KIF1A: variants seen among roughly 807,000 people sequenced by gnomAD.
KIF1A encodes kinesin family member 1A.
KIF1A carries 46 observed loss-of-function variants against 227.3 expected under a neutral mutation model. The ratio of observed to expected loss-of-function variants is 0.20; its 90% CI spans 0.16 to 0.26. The LOEUF (loss-of-function observed/expected upper bound fraction) is 0.26. Ranked by LOEUF, KIF1A falls within the 10% of genes least tolerant of loss-of-function variation. The pLI, the probability that KIF1A is intolerant of heterozygous loss-of-function variation, is 1.00. For missense variants in KIF1A, 1,683 were observed against 2,485.9 expected (o/e 0.68, Z 6.87); for synonymous variants, 1,022 against 1,012.8 (o/e 1.01, Z -0.17).
rs562109203 is a variant in KIF1A at position 240,717,255 on chromosome 2, C to T, written c.*109G>A. ...ATGGGCGTCCCCTGGGGGGTCGACC[C>T]GGTCGTGGGCTGTCTGGCAGGAGAG... is the stretch of plus-strand genomic sequence containing the variant. On this transcript the variant is annotated 3_prime_UTR_variant, in exon 49 of 49. Transcript: ENST00000498729. 47 of 1,107,882 alleles carry T rather than the reference C, an allele frequency of 4.2e-5. No individual in the cohort carries two copies. In the African/African-American group the frequency reaches 4.6e-4, roughly 11 times the overall value. 68.6% of individuals were successfully genotyped at this position (1,107,882 alleles called of 1,614,324 possible).
Position 240,792,229 on chromosome 2 carries a change from A to G in KIF1A, c.107-2917T>C, listed in dbSNP as rs1351280122. ...CCCCTCCTTCAGCAGCCTGCTTCTC[A>G]CAGAGACCTCCCCGATTCTGCTGGA... On this transcript the variant is annotated intron_variant, in intron 2 of 48. Transcript: ENST00000498729. This position sits in a 1 kb window ranked among gnomAD's most constrained non-coding sequence, Gnocchi z 4.5. Among the ~76,000 whole-genome samples the G allele has an allele frequency of 6.6e-6, 1 of 152,150 alleles. No individual in the cohort carries two copies. Among genetic ancestry groups the G allele is most frequent in the Admixed American group, 6.5e-5 (1 of 15,282 alleles).
rs181712083 is a variant in KIF1A at position 240,800,896 on chromosome 2, C to T, written c.-60-3084G>A. ...GAGCAGGGCAGAGCCATAGCTCGGACGAACCTTATGAAAACTACAACCTGC... is the reference window on the plus strand; with the variant it reads ...GAGCAGGGCAGAGCCATAGCTCGGATGAACCTTATGAAAACTACAACCTGC... On this transcript the variant is annotated intron_variant, in intron 1 of 48. Coordinates refer to ENST00000498729, the MANE Select transcript of KIF1A (RefSeq NM_001244008.2). 1.5e-3 allele frequency among the ~76,000 whole-genome samples: 230 copies of T among 152,344 alleles called. 1 individual carries two copies. Among genetic ancestry groups the T allele is most frequent in the African/African-American group, 5.2e-3 (216 of 41,576 alleles).
intron 48 of KIF1A, 23 bp from the exon 49 acceptor site, chr2:240,717,429 G>T (rs369622428): frequency 1.2e-6 from 2 of 1,607,832 alleles, no homozygotes; most frequent in Non-Finnish European, 8.5e-7. Context: ...TGGGAGAGGC[G>T]GCGTGGTCAG....
chr2:240,798,115 C>T, intron 1 of KIF1A: 1 of 212,824 alleles, frequency 4.7e-6, no homozygotes, highest in South Asian at 9.2e-5. Flanking sequence ...GCAAACCCCC[C>T]AGGAAGGGTC....
At chr2:240,781,533 C>A (rs1456205380) in intron 10 of KIF1A, among the ~76,000 whole-genome samples, 2 of 151,736 alleles carry the variant, frequency 1.3e-5, no homozygotes, top group Non-Finnish European at 2.9e-5. Context: ...CCTCACAGTC[C>A]CGCACAATCT....
intron 1 of KIF1A, among the ~76,000 whole-genome samples, chr2:240,818,467 G>T (rs1466356758): frequency 6.6e-6 from 1 of 152,172 alleles, no homozygotes; most frequent in Admixed American, 6.5e-5. Context: ...TGTGTTCAGT[G>T]CAAGGGCAGA....
chr2:240,780,798 CCA>C (rs534367981), intron 10 of KIF1A, among the ~76,000 whole-genome samples: 1,996 of 34,552 alleles, frequency 0.058, 363 homozygotes, highest in African/African-American at 0.26. Flanking sequence ...ACACACAGCT[CCA>C]CACACACACA....
rs563350862 is a variant in KIF1A, at chr2:240,717,338, G to A, written c.*26C>T. ...ATGAGGGAGGGGATGGGCTGGGCCT[G>A]CCGGCTGTCACGGGAGGGCTCAGGT... is the stretch of plus-strand genomic sequence containing the variant. On this transcript the variant is annotated 3_prime_UTR_variant, in exon 49 of 49. Transcript: ENST00000498729. 1.2e-6 allele frequency: 2 copies of A among 1,605,646 alleles called. No individual in the cohort carries two copies. The highest frequency in any genetic ancestry group is 2.2e-5 in the South Asian group (2 of 90,932).
At chr2:240,785,192 G>A (rs750003453) in intron 6 of KIF1A, 92 bp from the exon 7 acceptor site, 2 of 1,048,008 alleles carry the variant, frequency 1.9e-6, no homozygotes, top group Non-Finnish European at 1.4e-6. Context: ...CAGGTCATCG[G>A]GGGGGGCAGT....
intron 27 of KIF1A, among the ~76,000 whole-genome samples, chr2:240,756,968 T>C (rs562197049): frequency 3.8e-4 from 58 of 152,330 alleles, no homozygotes; most frequent in African/African-American, 1.2e-3. Context: ...AACTCGGCCA[T>C]TGGGTGCCTG....
chr2:240,743,708 C>A (rs1391521216), intron 33 of KIF1A, among the ~76,000 whole-genome samples: 5 of 152,196 alleles, frequency 3.3e-5, no homozygotes, highest in Admixed American at 6.5e-5. Context: ...GGAGGTCAAG[C>A]AATGCTCACA....
chr2:240,758,454 C>G lies in KIF1A; in HGVS notation c.2488G>C (p.Glu830Gln). 4.3e-6 allele frequency: 7 copies of G among 1,610,324 alleles called. No homozygotes were observed. The highest frequency in any genetic ancestry group is 5.9e-6 in the Non-Finnish European group (7 of 1,178,114). ...TCCTCGATGACACTGGAGGGCACCT[C>G]TGCAGCGCGGTCGTACATCTCCCGC... ...LMREMYDRAA[E>Q]VPSSVIEDCD... is the part of the protein sequence containing the mutation. The change falls in exon 26 of 49, where the codon GAG (glutamate) becomes CAG (glutamine). Residue 830 changes from glutamate (E) to glutamine (Q), a missense_variant. This residue lies in a region of KIF1A where 759 missense variants were observed against 1,020.2 expected (regional missense o/e 0.74). Coordinates refer to ENST00000498729, the MANE Select transcript of KIF1A (RefSeq NM_001244008.2). This position sits in a 1 kb window ranked among gnomAD's most constrained non-coding sequence, Gnocchi z 5.2.
intron 5 of KIF1A, among the ~76,000 whole-genome samples, chr2:240,786,885 GAGGC>G: frequency 8.7e-6 from 1 of 114,744 alleles, no homozygotes; most frequent in Admixed American, 9.0e-5. Flanking sequence ...GTGTATGTTC[GAGGC>G]AGGGGTGTCA....
At chr2:240,745,037 G>C (rs2048420939) in intron 32 of KIF1A, among the ~76,000 whole-genome samples, 1 of 152,048 alleles carries the variant, frequency 6.6e-6, no homozygotes, top group Non-Finnish European at 1.5e-5. Context: ...CAGACCTCTC[G>C]GGACGTTGCC....
At chr2:240,742,854 G>T in intron 34 of KIF1A, 75 bp downstream of exon 34, 1 of 1,331,570 alleles carries the variant, frequency 7.5e-7, no homozygotes, top group South Asian at 1.2e-5. Context: ...CATTCACTGC[G>T]GGGGCCCAGC....
chr2:240,817,612 C>A (rs1389206316), intron 1 of KIF1A, among the ~76,000 whole-genome samples: 1 of 152,194 alleles, frequency 6.6e-6, no homozygotes, highest in Non-Finnish European at 1.5e-5. Context: ...ATCCCAATGA[C>A]CTAATGCTGG....
Position 240,788,450 on chromosome 2 carries a change from C to T in KIF1A, c.184-220G>A, listed in dbSNP as rs1016369246. On this transcript the variant is annotated intron_variant, in intron 3 of 48. Coordinates refer to ENST00000498729, the MANE Select transcript of KIF1A (RefSeq NM_001244008.2). The surrounding 1 kb of genome is among the most constrained non-coding windows in gnomAD (Gnocchi z 6.6). ...GCGGGATGAAGAGCGGCCAGCCAGGCAGGAGGCAGGACGGGTTCCAGCAGA... is the reference window on the plus strand; with the variant it reads ...GCGGGATGAAGAGCGGCCAGCCAGGTAGGAGGCAGGACGGGTTCCAGCAGA... 1.1e-4 allele frequency among the ~76,000 whole-genome samples: 17 copies of T among 152,128 alleles called. No individual in the cohort carries two copies. The highest frequency in any genetic ancestry group is 1.8e-4 in the Non-Finnish European group (12 of 68,032).
chr2:240,719,984 TC>T, intron 45 of KIF1A, 58 bp from the exon 46 acceptor site: 1 of 1,508,932 alleles, frequency 6.6e-7, no homozygotes, highest in Non-Finnish European at 8.9e-7. Flanking sequence ...GGGGCCGTCT[TC>T]CCCCAGGCTT....
intron 2 of KIF1A, among the ~76,000 whole-genome samples, chr2:240,795,660 A>C (rs1270634403): frequency 1.3e-5 from 2 of 152,272 alleles, no homozygotes; most frequent in East Asian, 3.9e-4. Flanking sequence ...CTATGAGGGG[A>C]AATGCATAAT....
Sources: allele counts gnomAD v4.1 joint callset (sites outside exome capture counted in the v4.1 genomes callset), GRCh38; gene constraint gnomAD v4.1.1; regional missense constraint gnomAD v4.1.1; non-coding constraint Gnocchi (gnomAD v3.1); transcripts MANE v1.5; gene names NCBI Gene and HGNC (gene_info 2026-07-23, HGNC 2026-07-21).